ARHGAP15: variants seen among roughly 807,000 people sequenced by gnomAD.
ARHGAP15 encodes Rho GTPase activating protein 15, also known as rho GTPase-activating protein 15.
Under a neutral mutation model 63.7 loss-of-function variants are expected in ARHGAP15, and 51 were observed. The observed-to-expected ratio is 0.80, with a 90% CI of 0.64 to 1.01. ARHGAP15 has a LOEUF of 1.01. Ranked by LOEUF, ARHGAP15 falls within the 50% of genes least tolerant of loss-of-function variation. ARHGAP15 has a pLI of 0.00. For synonymous variants in ARHGAP15, 191 were observed against 193.8 expected (o/e 0.99, Z 0.12); for missense variants, 560 against 564.6 (o/e 0.99, Z 0.08).
chr2:143,318,457 C>T lies in ARHGAP15; in HGVS notation c.474+67857C>T, dbSNP rs987633983. 4.9e-5 allele frequency among the ~76,000 whole-genome samples: 7 copies of T among 142,698 alleles called. No individual in the cohort carries two copies. The South Asian group carries it at 6.8e-4, about 14-fold the overall frequency. 93.6% of individuals were successfully genotyped at this position (142,698 alleles called of 152,430 possible). ...GTCTTGGCAATTATGAATCTAAAAACGGGAGTTTATTATCTTAGAAAAAGC... is the reference window on the plus strand; with the variant it reads ...GTCTTGGCAATTATGAATCTAAAAATGGGAGTTTATTATCTTAGAAAAAGC... On this transcript the variant is annotated intron_variant, in intron 6 of 13. Transcript: ENST00000295095.
intron 12 of ARHGAP15, among the ~76,000 whole-genome samples, chr2:143,630,580 ACT>A (rs1699026506): frequency 6.6e-6 from 1 of 152,124 alleles, no homozygotes; most frequent in African/African-American, 2.4e-5. Context: ...TGATTTATCA[ACT>A]ATGGATAATA....
intron 8 of ARHGAP15, among the ~76,000 whole-genome samples, chr2:143,452,206 C>T (rs1292472124): frequency 6.6e-6 from 1 of 151,920 alleles, no homozygotes; most frequent in Non-Finnish European, 1.5e-5. Flanking sequence ...CCTCTTGGTA[C>T]TTTGGGAGGA....
At position 143,328,717 on chromosome 2, in the gene ARHGAP15, A is replaced by G. The variant is rs532712243; in HGVS notation, c.474+78117A>G. On this transcript the variant is annotated intron_variant, in intron 6 of 13. Coordinates refer to ENST00000295095, the MANE Select transcript of ARHGAP15 (RefSeq NM_018460.4). ...CCTGCACATTCTGCACGTGTATCCCAGAACTTAAAGTATAATAAAAAAATA... is the reference window on the plus strand; with the variant it reads ...CCTGCACATTCTGCACGTGTATCCCGGAACTTAAAGTATAATAAAAAAATA... 4.0e-4 allele frequency among the ~76,000 whole-genome samples: 61 copies of G among 152,320 alleles called. 1 individual carries two copies. Among genetic ancestry groups the G allele is most frequent in the Admixed American group, 3.5e-3 (53 of 15,292 alleles).
At chr2:143,616,283 C>T (rs1313181325) in intron 11 of ARHGAP15, among the ~76,000 whole-genome samples, 2 of 152,152 alleles carry the variant, frequency 1.3e-5, no homozygotes, top group Non-Finnish European at 2.9e-5. Context: ...GCACCTGCTT[C>T]GCAAGTTTCA....
At chr2:143,371,281 C>A (rs768377362) in intron 6 of ARHGAP15, among the ~76,000 whole-genome samples, 2 of 152,140 alleles carry the variant, frequency 1.3e-5, no homozygotes, top group Non-Finnish European at 2.9e-5. Flanking sequence ...TTAAGCCCTG[C>A]ATGCATTAGG....
At chr2:143,225,536 G>A (rs1275222984) in intron 4 of ARHGAP15, among the ~76,000 whole-genome samples, 1 of 152,224 alleles carries the variant, frequency 6.6e-6, no homozygotes, top group African/African-American at 2.4e-5. Context: ...AGGAGGCGGA[G>A]ATTTCAGTGA....
chr2:143,407,985 G>GTGTATGTA, intron 6 of ARHGAP15, among the ~76,000 whole-genome samples: 1 of 82,378 alleles, frequency 1.2e-5, no homozygotes, highest in Admixed American at 1.2e-4. Flanking sequence ...ACTTCTGTGT[G>GTGTATGTA]TGTATATATA....
At chr2:143,295,918 T>C (rs554332812) in intron 6 of ARHGAP15, among the ~76,000 whole-genome samples, 1 of 152,064 alleles carries the variant, frequency 6.6e-6, no homozygotes, top group East Asian at 1.9e-4. Context: ...TCCAAACAAA[T>C]GTCACCTTCT....
chr2:143,742,787 G>T (rs1686010613), intron 13 of ARHGAP15, among the ~76,000 whole-genome samples: 1 of 152,186 alleles, frequency 6.6e-6, no homozygotes. Context: ...GATAATAATT[G>T]AAAACATCTG....
intron 11 of ARHGAP15, among the ~76,000 whole-genome samples, chr2:143,585,603 A>T (rs1304387508): frequency 6.6e-6 from 1 of 152,198 alleles, no homozygotes; most frequent in Non-Finnish European, 1.5e-5. Context: ...ATGAACTTGA[A>T]AAATGACTGA....
intron 6 of ARHGAP15, among the ~76,000 whole-genome samples, chr2:143,299,957 T>C (rs1005157211): frequency 3.3e-5 from 5 of 152,048 alleles, no homozygotes; most frequent in Non-Finnish European, 7.4e-5. Flanking sequence ...GTCTTCATTT[T>C]TCTCCCTCCT....
chr2:143,341,132 G>T (rs1046950815), intron 6 of ARHGAP15, among the ~76,000 whole-genome samples: 5 of 151,924 alleles, frequency 3.3e-5, no homozygotes, highest in African/African-American at 1.2e-4. Flanking sequence ...CTGCTTTTGT[G>T]GTCCTGTCAC....
chr2:143,419,820 A>G (rs1688842093), intron 6 of ARHGAP15, among the ~76,000 whole-genome samples: 1 of 152,088 alleles, frequency 6.6e-6, no homozygotes, highest in African/African-American at 2.4e-5. Context: ...ATGCATTTAT[A>G]TTCAGAAATA....
At chr2:143,689,317 T>C (rs1381802153) in intron 12 of ARHGAP15, among the ~76,000 whole-genome samples, 3 of 152,158 alleles carry the variant, frequency 2.0e-5, no homozygotes. Context: ...CCCTGTCCTC[T>C]CCTATGGCTT....
At chr2:143,721,323 G>A (rs1201096874) in intron 13 of ARHGAP15, among the ~76,000 whole-genome samples, 1 of 152,084 alleles carries the variant, frequency 6.6e-6, no homozygotes, top group Non-Finnish European at 1.5e-5. Context: ...TTTGTCCTAG[G>A]AACTAAATGA....
At chr2:143,461,744 C>T (rs908324987) in intron 8 of ARHGAP15, among the ~76,000 whole-genome samples, 7 of 152,118 alleles carry the variant, frequency 4.6e-5, no homozygotes, top group African/African-American at 1.7e-4. Flanking sequence ...TTTGCCAAAC[C>T]GTAGGTGCTA....
At chr2:143,625,625 C>T (rs1244654314) in intron 12 of ARHGAP15, among the ~76,000 whole-genome samples, 1 of 152,124 alleles carries the variant, frequency 6.6e-6, no homozygotes, top group East Asian at 1.9e-4. Flanking sequence ...AGCATGCTTT[C>T]CTAACTTCAT....
intron 12 of ARHGAP15, among the ~76,000 whole-genome samples, chr2:143,673,569 A>T (rs1682640960): frequency 3.3e-5 from 5 of 151,440 alleles, no homozygotes; most frequent in Admixed American, 3.3e-4. Context: ...AAGTGCTGGG[A>T]TTACAGGTGT....
chr2:143,507,178 T>C (rs1196856282), intron 9 of ARHGAP15, among the ~76,000 whole-genome samples: 1 of 152,214 alleles, frequency 6.6e-6, no homozygotes, highest in Non-Finnish European at 1.5e-5. Flanking sequence ...CAGTTACCAG[T>C]GCCACAAAGC....
Sources: allele counts gnomAD v4.1 joint callset (sites outside exome capture counted in the v4.1 genomes callset), GRCh38; gene constraint gnomAD v4.1.1; transcripts MANE v1.5; gene names NCBI Gene and HGNC (gene_info 2026-07-23, HGNC 2026-07-21).